Variants in CMYA5 observed in about 807,000 individuals in gnomAD.
CMYA5 encodes cardiomyopathy-associated protein 5.
Under a neutral mutation model 318.9 loss-of-function variants are expected in CMYA5, and 246 were observed. The observed-to-expected ratio is 0.77, with a 90% confidence interval of 0.70 to 0.86. CMYA5 has a LOEUF of 0.86. Among genes scored for constraint, CMYA5 ranks in the 40% least tolerant of loss-of-function variants. The pLI, the probability that CMYA5 is intolerant of heterozygous loss-of-function variation, is 0.00. For missense variants in CMYA5, 4,589 were observed against 4,678.2 expected, an observed-to-expected ratio of 0.98 and a Z score of 0.56; for synonymous variants, 1,641 against 1,729.5, an observed-to-expected ratio of 0.95 and a Z score of 1.27.
chr5:79,769,477 G>A (rs1456587430), intron 9 of CMYA5, among the ~76,000 whole-genome samples: 1 of 152,034 alleles, frequency 6.6e-6, no homozygotes, highest in Admixed American at 6.5e-5. Flanking sequence ...TTCAGATGGG[G>A]TTTCTGTGTG....
Position 79,734,649 on chromosome 5 carries a change from G to A in CMYA5, c.5884G>A (p.Val1962Ile), listed in dbSNP as rs780663083. 15 of 1,613,664 alleles carry A rather than the reference G, an allele frequency of 9.3e-6. No individual in the cohort carries two copies. Among genetic ancestry groups the A allele is most frequent in the African/African-American group, 6.7e-5 (5 of 74,912 alleles). ...EESHLSSQEA[V>I]SALDTSSGNT... is the part of the protein sequence containing the mutation. ...ATCTCATTTGTCATCACAAGAAGCA[G>A]TATCTGCTCTTGATACTTCCAGTGG... The change falls in exon 2 of 13, where the codon GTA becomes ATA. Residue 1962 changes from valine to isoleucine, a missense_variant. Coordinates refer to ENST00000446378, the MANE Select transcript of CMYA5 (RefSeq NM_153610.5).
In CMYA5 at chr5:79,735,797, AAG is replaced by A; in HGVS notation, c.7035_7036del (p.Arg2345SerfsTer11). 1 of 1,551,436 alleles carries A rather than the reference AAG, an allele frequency of 6.4e-7. No individual in the cohort carries two copies. The highest frequency in any genetic ancestry group is 8.6e-7 in the Non-Finnish European group (1 of 1,157,632). ...TTCCTCCTCATGTTACTGATAGTAA[AAG>A]AGTCCAGAAGCCAGCAATCGCTCCT... ...IVPPHVTDSK[R>X]VQKPAIAPPS... On this transcript the variant is annotated frameshift_variant, in exon 2 of 13. Coordinates refer to ENST00000446378, the MANE Select transcript of CMYA5 (RefSeq NM_153610.5). LOFTEE classifies it high-confidence loss of function.
At chr5:79,707,785 A>G (rs569135497) in intron 1 of CMYA5, among the ~76,000 whole-genome samples, 2 of 152,328 alleles carry the variant, frequency 1.3e-5, no homozygotes, top group South Asian at 4.1e-4. Context: ...GAGCTCACAC[A>G]GTGCCTTAGT....
Position 79,758,816 on chromosome 5 carries a change from T to C in CMYA5, c.11174T>C (p.Val3725Ala), listed in dbSNP as rs371149814. 22 of 1,601,106 alleles carry C rather than the reference T, an allele frequency of 1.4e-5. No homozygotes were observed. Among genetic ancestry groups the C allele is most frequent in the Non-Finnish European group, 1.8e-5 (21 of 1,174,006 alleles). ...TCTGCCACCAGCACAACAATTGCAG[T>C]TTACTGGAGCATGAACAAGGAAGAT... Reference protein sequence around the residue: ...PNSATSTTIAVYWSMNKEDVI... With the variant: ...PNSATSTTIAAYWSMNKEDVI... Residue 3725 changes from valine to alanine, a missense_variant, in exon 7 of 13, where the codon GTT (valine) becomes GCT (alanine). Physicochemically the swap from Val to Ala is moderately conservative, Grantham distance 64. Around this residue, in one of 3 missense-constraint regions of CMYA5, gnomAD observed 2,431 missense variants for 2,495.1 expected, o/e 0.97. Coordinates refer to ENST00000446378, the MANE Select transcript of CMYA5 (RefSeq NM_153610.5).
chr5:79,739,198 A>G lies in CMYA5; in HGVS notation c.10433A>G (p.Gln3478Arg). The G allele has an allele frequency of 1.9e-6, 3 of 1,613,496 alleles. No individual in the cohort carries two copies. The highest frequency in any genetic ancestry group is 2.5e-6 in the Non-Finnish European group (3 of 1,179,690). Residue 3478 changes from glutamine to arginine, a missense_variant, in exon 2 of 13, where the codon CAA becomes CGA. Gln to Arg is a conservative substitution (Grantham distance 43). This residue lies in a region of CMYA5 where 2,431 missense variants were observed against 2,495.1 expected (regional missense o/e 0.97). Transcript: ENST00000446378. Reference sequence around the variant, plus strand: ...GCAGAACAAAGTACACCTGCTGAACAAAAAGAGTTGGGCAGCGAGAGGAAA... The same window carrying G: ...GCAGAACAAAGTACACCTGCTGAACGAAAAGAGTTGGGCAGCGAGAGGAAA... ...SEAEQSTPAE[Q>R]KELGSERKEE...
rs1827907887 is a variant in CMYA5, at chr5:79,731,682, G to A, written c.2917G>A (p.Asp973Asn). 2 of 1,613,916 alleles carry A rather than the reference G, an allele frequency of 1.2e-6. No individual in the cohort carries two copies. Among genetic ancestry groups the A allele is most frequent in the Non-Finnish European group, 1.7e-6 (2 of 1,179,864 alleles). ...AGCAGAGAAAAGAGAATTTGAGTGC[G>A]ATTCTCCAATATGTTTAACATCACC... is the stretch of plus-strand genomic sequence containing the variant. Reference protein sequence around the residue: ...QEAEKREFECDSPICLTSPSE... With the variant: ...QEAEKREFECNSPICLTSPSE... Residue 973 changes from aspartate (D) to asparagine (N), a missense_variant, in exon 2 of 13, where the codon GAT becomes AAT. This residue lies in a region of CMYA5 where 2,132 missense variants were observed against 2,131.3 expected (regional missense o/e 1.00). Coordinates refer to ENST00000446378, the MANE Select transcript of CMYA5 (RefSeq NM_153610.5).
At chr5:79,712,965 T>C (rs937171694) in intron 1 of CMYA5, among the ~76,000 whole-genome samples, 1 of 152,210 alleles carries the variant, frequency 6.6e-6, no homozygotes, top group Non-Finnish European at 1.5e-5. Flanking sequence ...TGGCTTCTGC[T>C]CTGTGCTAAT....
intron 5 of CMYA5, among the ~76,000 whole-genome samples, chr5:79,751,326 C>T (rs564975319): frequency 7.2e-5 from 11 of 152,268 alleles, no homozygotes; most frequent in Middle Eastern, 3.4e-3. Flanking sequence ...ATGTGCTGTA[C>T]TTGGCCGCAT....
At chr5:79,717,775 C>G (rs1381226903) in intron 1 of CMYA5, among the ~76,000 whole-genome samples, 1 of 152,044 alleles carries the variant, frequency 6.6e-6, no homozygotes, top group East Asian at 1.9e-4. Context: ...ACAAAATGAA[C>G]ACTTTCTATT....
At position 79,735,437 on chromosome 5, in the gene CMYA5, C is replaced by T. The variant is rs532435516; in HGVS notation, c.6672C>T (p.Pro2224=). The T allele has an allele frequency of 1.7e-5, 27 of 1,613,858 alleles. No homozygotes were observed. In the South Asian group the frequency reaches 1.8e-4, roughly 11 times the overall value. The change falls in exon 2 of 13, where the codon CCC becomes CCT. Residue 2224 remains proline, a synonymous_variant. Coordinates refer to ENST00000446378, the MANE Select transcript of CMYA5 (RefSeq NM_153610.5). ...VTVIDPEGTI[P]TNFNVAEKPA... ...TGATAGATCCTGAAGGTACAATTCC[C>T]ACCAATTTTAATGTAGCTGAGAAAC...
At chr5:79,784,656 AT>A (rs1361049311) in intron 9 of CMYA5, among the ~76,000 whole-genome samples, 6 of 107,158 alleles carry the variant, frequency 5.6e-5, no homozygotes. Context: ...AAAGCGCAAT[AT>A]TCGGGTGGGA....
In CMYA5 at chr5:79,729,916, A is replaced by G. The variant is rs753090535; in HGVS notation, c.1151A>G (p.Asp384Gly). The change falls in exon 2 of 13, where the codon GAC becomes GGC. Residue 384 changes from aspartate to glycine, a missense_variant. By Grantham distance (94) the Asp-to-Gly change is moderately conservative. Around this residue, in one of 3 missense-constraint regions of CMYA5, gnomAD observed 2,132 missense variants for 2,131.3 expected, o/e 1.00. Transcript: ENST00000446378. The stretch of plus-strand genomic sequence containing the variant: ...GTGGAACCTCCATCTGTGACACCCG[A>G]CACACCTGCAACTATGTTCCTGAGA... ...HEVEPPSVTP[D>G]TPATMFLRTT... 6.2e-7 allele frequency: 1 copy of G among 1,613,624 alleles called. No individual in the cohort carries two copies. The highest frequency in any genetic ancestry group is 8.5e-7 in the Non-Finnish European group (1 of 1,179,718).
chr5:79,713,238 G>A (rs557063381), intron 1 of CMYA5, among the ~76,000 whole-genome samples: 3 of 152,158 alleles, frequency 2.0e-5, no homozygotes, highest in South Asian at 4.2e-4. Flanking sequence ...GTGGATGGGG[G>A]CCAGGGAGGC....
In CMYA5 at chr5:79,733,458, G is replaced by A; in HGVS notation, c.4693G>A (p.Glu1565Lys). 1.2e-6 allele frequency: 2 copies of A among 1,613,850 alleles called. No homozygotes were observed. Among genetic ancestry groups the A allele is most frequent in the Non-Finnish European group, 1.7e-6 (2 of 1,179,834 alleles). The stretch of plus-strand genomic sequence containing the variant: ...TATAATCCCAAAAGGCAAAGATGAG[G>A]AAACAGCAAGTTCATCTCCTGAGTT... ...KHIIPKGKDEETASSSPELEN... is the reference protein window; with the variant it reads ...KHIIPKGKDEKTASSSPELEN... The change falls in exon 2 of 13, where the codon GAA (glutamate) becomes AAA (lysine). Residue 1565 changes from glutamate to lysine, a missense_variant. By Grantham distance (56) the Glu-to-Lys change is moderately conservative (BLOSUM62 1). This residue lies in a region of CMYA5 where 2,132 missense variants were observed against 2,131.3 expected (regional missense o/e 1.00). Transcript: ENST00000446378.
chr5:79,744,229 G>T (rs79282469), intron 3 of CMYA5, among the ~76,000 whole-genome samples: 385 of 152,276 alleles, frequency 2.5e-3, no homozygotes, highest in African/African-American at 8.9e-3. Flanking sequence ...TATGAGATAG[G>T]TGTTATTATT....
chr5:79,763,079 A>G lies in CMYA5; in HGVS notation c.11425A>G (p.Ile3809Val). 1 of 1,613,788 alleles carries G rather than the reference A, an allele frequency of 6.2e-7. No individual in the cohort carries two copies. Among genetic ancestry groups the G allele is most frequent in the Non-Finnish European group, 8.5e-7 (1 of 1,179,808 alleles). The stretch of plus-strand genomic sequence containing the variant: ...TTCTGCAGCACCCTCCACCCCTGTG[A>G]TCCGCGCTGAGGACTGTACTGTGTG... ...IFRTAPSTPV[I>V]RAEDCTVCWN... The change falls in exon 9 of 13, where the codon ATC becomes GTC. Residue 3809 changes from isoleucine (I) to valine (V), a missense_variant. This residue lies in a region of CMYA5 where 2,431 missense variants were observed against 2,495.1 expected (regional missense o/e 0.97). Coordinates refer to ENST00000446378, the MANE Select transcript of CMYA5 (RefSeq NM_153610.5).
chr5:79,793,968 A>G (rs1281083286), intron 12 of CMYA5, among the ~76,000 whole-genome samples: 1 of 152,108 alleles, frequency 6.6e-6, no homozygotes, highest in Non-Finnish European at 1.5e-5. Context: ...TGGGTAAGAG[A>G]TAGGGAAGAG....
chr5:79,789,084 C>G lies in CMYA5; in HGVS notation c.11669C>G (p.Ala3890Gly), dbSNP rs1000842815. The G allele has an allele frequency of 6.2e-7, 1 of 1,613,784 alleles. No homozygotes were observed. Among genetic ancestry groups the G allele is most frequent in the African/African-American group, 1.3e-5 (1 of 74,926 alleles). ...NAFGTSEQSE[A>G]ALISTRGTRF... ...TTTGGGACAAGTGAACAGAGTGAAG[C>G]TGCTCTCATCTCCACCAGAGGTACT... The change falls in exon 10 of 13, where the codon GCT becomes GGT. Residue 3890 changes from alanine (A) to glycine (G), a missense_variant. Ala to Gly is a moderately conservative substitution (Grantham distance 60, BLOSUM62 0). Transcript: ENST00000446378.
intron 4 of CMYA5, among the ~76,000 whole-genome samples, 192 bp downstream of exon 4, chr5:79,745,647 A>G (rs963927294): frequency 6.6e-6 from 1 of 152,240 alleles, no homozygotes; most frequent in Admixed American, 6.5e-5. Flanking sequence ...GAAAGCCTCA[A>G]TGCCCAGATC....
Sources: allele counts gnomAD v4.1 joint callset (sites outside exome capture counted in the v4.1 genomes callset), GRCh38; gene constraint gnomAD v4.1.1; regional missense constraint gnomAD v4.1.1; transcripts MANE v1.5; gene names NCBI Gene and HGNC (gene_info 2026-07-23, HGNC 2026-07-21).